Variants in SHROOM3 observed in about 807,000 individuals in gnomAD.
SHROOM3 encodes protein Shroom3.
A neutral mutation model predicts 138.6 loss-of-function variants in SHROOM3; 47 were observed. That is an observed-to-expected ratio of 0.34 (90% confidence interval 0.27 to 0.43). The LOEUF (loss-of-function observed/expected upper bound fraction) is 0.43, where lower values mean the gene tolerates loss of function less well. Among genes scored for constraint, SHROOM3 ranks in the 20% least tolerant of loss-of-function variants. The pLI is 1.00. For synonymous variants in SHROOM3, 1,062 were observed against 1,063.3 expected, an observed-to-expected ratio of 1.00 and a Z score of 0.02; for missense variants, 2,491 against 2,596.5, an observed-to-expected ratio of 0.96 and a Z score of 0.88.
At chr4:76,775,321 GGT>G (rs57294282) in intron 10 of SHROOM3, among the ~76,000 whole-genome samples, 62 of 148,826 alleles carry the variant, frequency 4.2e-4, no homozygotes, top group African/African-American at 5.4e-4. Context: ...TAGTCCATGG[GGT>G]GTGTGTGTGT....
At chr4:76,529,332 T>TC (rs1732780713) in intron 1 of SHROOM3, among the ~76,000 whole-genome samples, 1 of 151,906 alleles carries the variant, frequency 6.6e-6, no homozygotes, top group Non-Finnish European at 1.5e-5. Context: ...TTTTTTTTTT[T>TC]CTGAGACAGA....
intron 2 of SHROOM3, among the ~76,000 whole-genome samples, chr4:76,567,487 A>T (rs566340621): frequency 2.6e-5 from 4 of 152,110 alleles, no homozygotes; most frequent in African/African-American, 9.7e-5. Context: ...TGTCTCTATT[A>T]AAAATACAAA....
At chr4:76,463,411 G>A (rs1476600021) in intron 1 of SHROOM3, among the ~76,000 whole-genome samples, 8 of 152,196 alleles carry the variant, frequency 5.3e-5, no homozygotes, top group Non-Finnish European at 1.2e-4. Context: ...GAGATGGTCT[G>A]AAATTAGAAC....
chr4:76,505,093 C>G (rs1244434087), intron 1 of SHROOM3, among the ~76,000 whole-genome samples: 1 of 152,128 alleles, frequency 6.6e-6, no homozygotes, highest in Non-Finnish European at 1.5e-5. Flanking sequence ...AAGAGTATAG[C>G]TTTGAGTTCT....
chr4:76,689,323 G>A (rs1036450645), intron 2 of SHROOM3, among the ~76,000 whole-genome samples: 1 of 139,982 alleles, frequency 7.1e-6, no homozygotes, highest in East Asian at 2.2e-4. Context: ...GGCCAATCCG[G>A]GAGGCTTCCT....
At chr4:76,746,781 CATTATTATTATTATTATTATT>C (rs199823641) in intron 5 of SHROOM3, among the ~76,000 whole-genome samples, 173 of 140,584 alleles carry the variant, frequency 1.2e-3, no homozygotes, top group African/African-American at 3.3e-3. Flanking sequence ...TTTAGATTTA[CATTATTATTATTATTATTATT>C]ATTATTATTA....
At position 76,754,768 on chromosome 4, in the gene SHROOM3, T is replaced by C; in HGVS notation, c.4285T>C (p.Ser1429Pro). The change falls in exon 7 of 11, where the codon TCT becomes CCT. Residue 1429 changes from serine (S) to proline (P), a missense_variant. Around this residue, in one of 4 missense-constraint regions of SHROOM3, gnomAD observed 1,733 missense variants for 1,661.6 expected, o/e 1.04. Transcript: ENST00000296043. The stretch of plus-strand genomic sequence containing the variant: ...CTCGCTGCCTCAGTGGCCACCTCCT[T>C]CTCGAGCAAAGTGGGCCCACGCAGC... ...RVSLPQWPPP[S>P]RAKWAHAARE... 1 of 1,614,058 alleles carries C rather than the reference T, an allele frequency of 6.2e-7. No individual in the cohort carries two copies. Among genetic ancestry groups the C allele is most frequent in the Non-Finnish European group, 8.5e-7 (1 of 1,179,982 alleles).
intron 2 of SHROOM3, among the ~76,000 whole-genome samples, chr4:76,683,556 CT>C (rs1410937107): frequency 6.6e-6 from 1 of 151,624 alleles, no homozygotes; most frequent in South Asian, 2.1e-4. Flanking sequence ...CATTTTCTAC[CT>C]TTTTTTCTTT....
chr4:76,563,159 T>G (rs1212801521), intron 2 of SHROOM3, among the ~76,000 whole-genome samples: 1 of 152,208 alleles, frequency 6.6e-6, no homozygotes, highest in African/African-American at 2.4e-5. Context: ...AAATGTTTCA[T>G]CATAGTAAAA....
intron 2 of SHROOM3, among the ~76,000 whole-genome samples, chr4:76,605,371 A>C (rs1157965486): frequency 6.6e-6 from 1 of 152,200 alleles, no homozygotes; most frequent in Non-Finnish European, 1.5e-5. Context: ...GGGAGAGAAC[A>C]GTTCTCATTA....
chr4:76,695,742 T>G (rs1386868565), intron 2 of SHROOM3, among the ~76,000 whole-genome samples: 5 of 152,148 alleles, frequency 3.3e-5, no homozygotes, highest in Non-Finnish European at 7.4e-5. Flanking sequence ...AAGTCCTGAG[T>G]GTCGTGGAAG....
At chr4:76,593,564 T>A (rs1301514200) in intron 2 of SHROOM3, among the ~76,000 whole-genome samples, 2 of 152,252 alleles carry the variant, frequency 1.3e-5, no homozygotes, top group African/African-American at 4.8e-5. Flanking sequence ...ACATGTGTTG[T>A]ATATTTTTAG....
intron 1 of SHROOM3, among the ~76,000 whole-genome samples, chr4:76,533,172 G>A (rs532478979): frequency 2.9e-4 from 44 of 152,256 alleles, no homozygotes; most frequent in African/African-American, 1.0e-3. Context: ...ACTACAGAAT[G>A]CAAAACCATT....
At chr4:76,760,301 C>T (rs985959258) in intron 9 of SHROOM3, among the ~76,000 whole-genome samples, 7 of 152,102 alleles carry the variant, frequency 4.6e-5, no homozygotes, top group Admixed American at 2.0e-4. Context: ...AAAAAATGAC[C>T]GTGATGCTGC....
Position 76,740,464 on chromosome 4 carries a change from G to T in SHROOM3, c.2291G>T (p.Gly764Val). The T allele has an allele frequency of 6.2e-7, 1 of 1,611,510 alleles. No homozygotes were observed. The highest frequency in any genetic ancestry group is 8.5e-7 in the Non-Finnish European group (1 of 1,178,542). Reference sequence around the variant, plus strand: ...CTGGGCCGGAGGGGGCCCGGCCCAGGCAGCGCCTCGGCTCTTCAGGGCTTT... The same window carrying T: ...CTGGGCCGGAGGGGGCCCGGCCCAGTCAGCGCCTCGGCTCTTCAGGGCTTT... Reference protein sequence around the residue: ...SSLGRRGPGPGSASALQGFQY... With the variant: ...SSLGRRGPGPVSASALQGFQY... Residue 764 changes from glycine (G) to valine (V), a missense_variant, in exon 5 of 11, where the codon GGC becomes GTC. This residue lies in a region of SHROOM3 where 1,733 missense variants were observed against 1,661.6 expected (regional missense o/e 1.04). Coordinates refer to ENST00000296043, the MANE Select transcript of SHROOM3 (RefSeq NM_020859.4). The surrounding 1 kb of genome is among the most constrained non-coding windows in gnomAD (Gnocchi z 4.0).
At chr4:76,676,045 A>G (rs1719017368) in intron 2 of SHROOM3, among the ~76,000 whole-genome samples, 1 of 152,264 alleles carries the variant, frequency 6.6e-6, no homozygotes, top group Admixed American at 6.5e-5. Context: ...ACACTGGTCA[A>G]TAAATGGAAG....
At chr4:76,468,884 A>G (rs1176106882) in intron 1 of SHROOM3, among the ~76,000 whole-genome samples, 1 of 152,152 alleles carries the variant, frequency 6.6e-6, no homozygotes, top group South Asian at 2.1e-4. Flanking sequence ...ACAAAAAAAA[A>G]TTAGCCAGGC....
chr4:76,653,964 A>G (rs561854360), intron 2 of SHROOM3, among the ~76,000 whole-genome samples: 1 of 152,336 alleles, frequency 6.6e-6, no homozygotes, highest in South Asian at 2.1e-4. Context: ...TGCCTTAAAT[A>G]GAAGACTCTA....
intron 3 of SHROOM3, among the ~76,000 whole-genome samples, chr4:76,714,875 G>C (rs1360581904): frequency 6.6e-6 from 1 of 152,036 alleles, no homozygotes; most frequent in Non-Finnish European, 1.5e-5. Flanking sequence ...CAGTACTACT[G>C]TTATTTATTT....
Sources: allele counts gnomAD v4.1 joint callset (sites outside exome capture counted in the v4.1 genomes callset), GRCh38; gene constraint gnomAD v4.1.1; regional missense constraint gnomAD v4.1.1; non-coding constraint Gnocchi (gnomAD v3.1); transcripts MANE v1.5; gene names NCBI Gene and HGNC (gene_info 2026-07-23, HGNC 2026-07-21).